Variants in PDILT observed in about 807,000 individuals in gnomAD.
PDILT encodes protein disulfide-isomerase-like protein of the testis.
A neutral mutation model predicts 53.7 loss-of-function variants in PDILT; 43 were observed. The ratio of observed to expected loss-of-function variants is 0.80; its 90% CI spans 0.63 to 1.03. PDILT has a LOEUF of 1.03. Among genes scored for constraint, PDILT ranks in the 50% least tolerant of loss-of-function variants. The pLI is 0.00. For synonymous variants in PDILT, 282 were observed against 274.2 expected (o/e 1.03, Z -0.28); for missense variants, 727 against 712.3 (o/e 1.02, Z -0.24).
In PDILT at chr16:20,384,631, A is replaced by G. The variant is rs1189245680; in HGVS notation, c.409+14T>C. 5 of 1,613,822 alleles carry G rather than the reference A, an allele frequency of 3.1e-6. No homozygotes were observed. The highest frequency in any genetic ancestry group is 4.2e-6 in the Non-Finnish European group (5 of 1,180,004). ...CATGAGCATGAAACAAGTGTGACAC[A>G]CAAGCACCATTACCTTTGCAGCTGA... On this transcript the variant is annotated intron_variant, in intron 3 of 11. Transcript: ENST00000302451.
At chr16:20,388,677 C>T (rs1966569756) in intron 2 of PDILT, 1 of 152,158 alleles carries the variant, frequency 6.6e-6, no homozygotes, top group Non-Finnish European at 1.5e-5. Flanking sequence ...CTTTGGGAAG[C>T]CAAGGTGGGC....
intron 2 of PDILT, among the ~76,000 whole-genome samples, chr16:20,390,186 C>G (rs1190933726): frequency 2.0e-5 from 3 of 152,248 alleles, no homozygotes; most frequent in African/African-American, 7.2e-5. Context: ...TCAGGATTGT[C>G]ATCAATCTCT....
intron 3 of PDILT, among the ~76,000 whole-genome samples, chr16:20,381,135 C>T (rs552062738): frequency 3.9e-4 from 59 of 152,362 alleles, no homozygotes; most frequent in Non-Finnish European, 5.9e-4. Flanking sequence ...AGAGCAATGG[C>T]CATGGCCAAG....
chr16:20,372,480 G>A (rs956382994), intron 7 of PDILT, among the ~76,000 whole-genome samples: 1 of 152,324 alleles, frequency 6.6e-6, no homozygotes, highest in Non-Finnish European at 1.5e-5. Context: ...CACTCTTAGT[G>A]TATGGAGTCC....
At chr16:20,386,667 GC>G (rs998044328) in intron 2 of PDILT, among the ~76,000 whole-genome samples, 2 of 152,158 alleles carry the variant, frequency 1.3e-5, no homozygotes, top group African/African-American at 4.8e-5. Context: ...CTGGATCGAT[GC>G]CCCTCCACTG....
chr16:20,363,029 G>A (rs1266337297), intron 9 of PDILT, among the ~76,000 whole-genome samples: 16 of 124,394 alleles, frequency 1.3e-4, no homozygotes, highest in African/African-American at 9.4e-5. Flanking sequence ...CCGAGATTGC[G>A]CCACTGCACT....
intron 2 of PDILT, among the ~76,000 whole-genome samples, chr16:20,393,037 G>C (rs1430414324): frequency 6.6e-6 from 1 of 152,190 alleles, no homozygotes; most frequent in African/African-American, 2.4e-5. Context: ...CACCTCCATT[G>C]AGGGTCTCAG....
intron 9 of PDILT, among the ~76,000 whole-genome samples, chr16:20,362,897 TC>T (rs1966127003): frequency 6.6e-6 from 1 of 151,070 alleles, no homozygotes; most frequent in Admixed American, 6.6e-5. Context: ...CATGGTGAAA[TC>T]CCATCTCTAC....
intron 9 of PDILT, among the ~76,000 whole-genome samples, chr16:20,362,784 A>T (rs1321127824): frequency 1.3e-5 from 2 of 152,108 alleles, no homozygotes; most frequent in Non-Finnish European, 2.9e-5. Context: ...TAGAAAAAAA[A>T]TAGTTTTGGC....
rs963391301 is a variant in PDILT, at chr16:20,359,355, C to A, written c.1719G>T (p.Val573=). 1 of 1,614,082 alleles carries A rather than the reference C, an allele frequency of 6.2e-7. No individual in the cohort carries two copies. Among genetic ancestry groups the A allele is most frequent in the Non-Finnish European group, 8.5e-7 (1 of 1,180,020 alleles). Residue 573 remains valine (V), a synonymous_variant, in exon 12 of 12, where the codon GTG becomes GTT. Coordinates refer to ENST00000302451, the MANE Select transcript of PDILT (RefSeq NM_174924.2). The part of the protein sequence containing the change: ...VVVAKPKGPP[V]QKKKPKVKEE... ...CCTTGACTTTTGGTTTCTTCTTTTG[C>A]ACTGGAGGTCCCTTTGGCTTAGCCA...
chr16:20,391,355 GTCA>G lies in PDILT; in HGVS notation c.203-6507_203-6505del, dbSNP rs778625579. Among the ~76,000 whole-genome samples the G allele has an allele frequency of 2.4e-3, 372 of 151,854 alleles. 2 individuals are homozygous for G. Among genetic ancestry groups the G allele is most frequent in the Non-Finnish European group, 3.9e-3 (262 of 67,980 alleles). On this transcript the variant is annotated intron_variant, in intron 2 of 11. Transcript: ENST00000302451. The stretch of plus-strand genomic sequence containing the variant: ...CATTACCATCACCATCATCACCATT[GTCA>G]TCATCATCATCATCTTCATCATTAT...
Position 20,362,563 on chromosome 16 carries a change from C to T in PDILT, c.1257G>A (p.Lys419=). 6.2e-7 allele frequency: 1 copy of T among 1,614,082 alleles called. No individual in the cohort carries two copies. Among genetic ancestry groups the T allele is most frequent in the Non-Finnish European group, 8.5e-7 (1 of 1,180,020 alleles). Residue 419 remains lysine, a synonymous_variant, in exon 10 of 12, where the codon AAG becomes AAA. Coordinates refer to ENST00000302451, the MANE Select transcript of PDILT (RefSeq NM_174924.2). ...FVMFYAPWSK[K]CKMLFPLLEE... ...CCAACAGTGGGAACAGCATCTTGCA[C>T]TTTTTAGACCAGGGTGCATCTGGAA...
rs1188197909 is a variant in PDILT, at chr16:20,369,582, G to A, written c.1026C>T (p.Ser342=). ...DIPSVQILNL[S]SDARYKMPSD... ...AAGGCATTTTGTACCTGGCGTCAGA[G>A]CTCAAGTTTAGGATTTGGACGGATG... is the stretch of plus-strand genomic sequence containing the variant. The change falls in exon 8 of 12, where the codon AGC becomes AGT. Residue 342 remains serine, a synonymous_variant. Coordinates refer to ENST00000302451, the MANE Select transcript of PDILT (RefSeq NM_174924.2). 6.2e-7 allele frequency: 1 copy of A among 1,614,122 alleles called. No homozygotes were observed. The highest frequency in any genetic ancestry group is 1.3e-5 in the African/African-American group (1 of 74,950).
At chr16:20,387,813 GT>G (rs918524711) in intron 2 of PDILT, among the ~76,000 whole-genome samples, 1 of 152,048 alleles carries the variant, frequency 6.6e-6, no homozygotes, top group African/African-American at 2.4e-5. Context: ...TAGAGATGGG[GT>G]TTTACCATGC....
chr16:20,386,333 AG>A (rs1415198363), intron 2 of PDILT, among the ~76,000 whole-genome samples: 1 of 152,108 alleles, frequency 6.6e-6, no homozygotes, highest in Non-Finnish European at 1.5e-5. Flanking sequence ...CCCATGACTG[AG>A]GAAGGGGGGC....
intron 2 of PDILT, among the ~76,000 whole-genome samples, chr16:20,386,765 T>A (rs1215398853): frequency 6.6e-6 from 1 of 152,218 alleles, no homozygotes; most frequent in Non-Finnish European, 1.5e-5. Context: ...TGCTGGCTGC[T>A]CTGGTCCATG....
chr16:20,376,416 C>T (rs1966390242), intron 3 of PDILT, among the ~76,000 whole-genome samples: 2 of 152,162 alleles, frequency 1.3e-5, no homozygotes, highest in Admixed American at 1.3e-4. Context: ...CAACAAGGCC[C>T]AGACACTGTG....
chr16:20,359,999 T>C (rs145216916), intron 11 of PDILT, among the ~76,000 whole-genome samples: 3 of 152,228 alleles, frequency 2.0e-5, no homozygotes, highest in Non-Finnish European at 2.9e-5. Context: ...TGTGGGGAAA[T>C]GACTACTTGA....
chr16:20,379,320 C>A (rs191651937), intron 3 of PDILT, among the ~76,000 whole-genome samples: 1 of 152,048 alleles, frequency 6.6e-6, no homozygotes, highest in African/African-American at 2.4e-5. Flanking sequence ...ACTACAGGCA[C>A]GTGCCACCAC....
Sources: gnomAD v4.1 joint callset for allele counts (sites outside exome capture counted in the v4.1 genomes callset) on GRCh38, gnomAD v4.1.1 for gene constraint, MANE v1.5 for transcripts, NCBI Gene and HGNC (gene_info 2026-07-23, HGNC 2026-07-21) for gene names.